Variants in CAMSAP1 observed in about 807,000 individuals in gnomAD.
CAMSAP1 encodes the protein calmodulin-regulated spectrin-associated protein 1.
A neutral mutation model predicts 143.5 loss-of-function variants in CAMSAP1; 58 were observed. The observed-to-expected ratio is 0.40, with a 90% CI of 0.33 to 0.50. The LOEUF (loss-of-function observed/expected upper bound fraction) is 0.50, where lower values mean the gene tolerates loss of function less well. Among genes scored for constraint, CAMSAP1 ranks in the 20% least tolerant of loss-of-function variants. The pLI is 0.45. For synonymous variants in CAMSAP1, 945 were observed against 859.3 expected (o/e 1.10, Z -1.74); for missense variants, 1,969 against 2,115.7 (o/e 0.93, Z 1.36).
intron 1 of CAMSAP1, among the ~76,000 whole-genome samples, chr9:135,883,431 T>C (rs1838022495): frequency 6.6e-6 from 1 of 151,952 alleles, no homozygotes; most frequent in South Asian, 2.1e-4. Flanking sequence ...ATGGGAGCCC[T>C]GAGTGTGTTA....
At chr9:135,878,455 C>T (rs1450497784) in intron 3 of CAMSAP1, among the ~76,000 whole-genome samples, 1 of 152,234 alleles carries the variant, frequency 6.6e-6, no homozygotes, top group African/African-American at 2.4e-5. Flanking sequence ...GCACAGCAGG[C>T]ATCTTGGAAA....
In CAMSAP1 at chr9:135,822,702, A is replaced by T; in HGVS notation, c.1959T>A (p.Ile653=). The T allele has an allele frequency of 6.2e-7, 1 of 1,610,430 alleles. No homozygotes were observed. The highest frequency in any genetic ancestry group is 8.5e-7 in the Non-Finnish European group (1 of 1,178,050). Residue 653 remains isoleucine (I), a synonymous_variant, in exon 11 of 17, where the codon ATT becomes ATA. Coordinates refer to ENST00000389532, the MANE Select transcript of CAMSAP1 (RefSeq NM_015447.4). The surrounding 1 kb of genome is among the most constrained non-coding windows in gnomAD (Gnocchi z 6.1). ...TGCCCATGGGGAATTCTGAGCATGG[A>T]ATCGGGGTAAAAGTCCTATTCAAGT... The part of the protein sequence containing the change: ...SRDLNRTFTP[I]PCSEFPMGID...
At chr9:135,890,669 G>A (rs1298093541) in intron 1 of CAMSAP1, among the ~76,000 whole-genome samples, 3 of 152,128 alleles carry the variant, frequency 2.0e-5, no homozygotes, top group Non-Finnish European at 4.4e-5. Context: ...CCTCCACCAG[G>A]GCCTCGCGTG....
At chr9:135,832,616 C>G (rs1228685609) in intron 7 of CAMSAP1, among the ~76,000 whole-genome samples, 1 of 152,114 alleles carries the variant, frequency 6.6e-6, no homozygotes, top group Admixed American at 6.5e-5. Flanking sequence ...ACTGCAGATC[C>G]AAGGTCCTAC....
At chr9:135,870,058 T>C (rs1452397760) in intron 3 of CAMSAP1, among the ~76,000 whole-genome samples, 2 of 152,196 alleles carry the variant, frequency 1.3e-5, no homozygotes, top group Admixed American at 1.3e-4. Context: ...GTTCAGAGTT[T>C]TTTTGGAATG....
intron 7 of CAMSAP1, chr9:135,836,317 C>A: frequency 1.1e-5 from 11 of 984,602 alleles, no homozygotes; most frequent in Non-Finnish European, 1.3e-5. Context: ...TACAGACACA[C>A]GTCACCACGC....
intron 1 of CAMSAP1, among the ~76,000 whole-genome samples, chr9:135,889,430 T>C (rs1838224118): frequency 6.6e-6 from 1 of 152,202 alleles, no homozygotes; most frequent in Admixed American, 6.5e-5. Flanking sequence ...GTTGGGACTG[T>C]CTGACAAGGA....
chr9:135,885,312 C>T (rs1838088038), intron 1 of CAMSAP1, among the ~76,000 whole-genome samples: 1 of 152,210 alleles, frequency 6.6e-6, no homozygotes, highest in Non-Finnish European at 1.5e-5. Flanking sequence ...GCCTATCTGA[C>T]ATCTCCATGT....
chr9:135,865,139 A>G, intron 4 of CAMSAP1: 1 of 580,136 alleles, frequency 1.7e-6, no homozygotes, highest in South Asian at 2.2e-5. Flanking sequence ...TAAGAGTTCC[A>G]AAGTGCCATA....
intron 1 of CAMSAP1, among the ~76,000 whole-genome samples, chr9:135,883,899 A>G (rs1273201336): frequency 6.6e-6 from 1 of 152,194 alleles, no homozygotes; most frequent in Non-Finnish European, 1.5e-5. Context: ...TCCGGCTGCA[A>G]CATACGCCGC....
chr9:135,906,920 G>A (rs924623864), intron 1 of CAMSAP1, 80 bp downstream of exon 1: 1 of 819,460 alleles, frequency 1.2e-6, no homozygotes, highest in Non-Finnish European at 1.5e-6. Context: ...CGCGGACCCC[G>A]ACCCGGCCGG....
rs1373547798 is a variant in CAMSAP1, at chr9:135,866,881, C to G, written c.586-345G>C. On this transcript the variant is annotated intron_variant, in intron 3 of 16. Transcript: ENST00000389532. ...CTTCTCCAACACCAACAGCAAATGCCACTTACAAAACAATCTGGTGGAGAC... is the reference window on the plus strand; with the variant it reads ...CTTCTCCAACACCAACAGCAAATGCGACTTACAAAACAATCTGGTGGAGAC... Among the ~76,000 whole-genome samples, 3 of 152,268 alleles carry G rather than the reference C, an allele frequency of 2.0e-5. No individual in the cohort carries two copies. In the East Asian group the frequency reaches 5.8e-4, roughly 29 times the overall value.
intron 1 of CAMSAP1, among the ~76,000 whole-genome samples, chr9:135,899,407 T>C (rs1485285608): frequency 6.7e-6 from 1 of 148,742 alleles, no homozygotes; most frequent in Non-Finnish European, 1.5e-5. Flanking sequence ...CTGACAGAAC[T>C]TGTCTCTATT....
intron 1 of CAMSAP1, among the ~76,000 whole-genome samples, chr9:135,888,713 G>C (rs1216499699): frequency 6.6e-6 from 1 of 152,030 alleles, no homozygotes; most frequent in East Asian, 1.9e-4. Flanking sequence ...TTCCTGTTTG[G>C]ATATAAGGAG....
chr9:135,878,321 G>T (rs1361087233), intron 3 of CAMSAP1, among the ~76,000 whole-genome samples: 6 of 152,170 alleles, frequency 3.9e-5, no homozygotes, highest in Non-Finnish European at 8.8e-5. Context: ...CCACAGAGGA[G>T]GAGAGACTCA....
intron 7 of CAMSAP1, among the ~76,000 whole-genome samples, chr9:135,839,591 A>C (rs1288766949): frequency 2.6e-5 from 4 of 152,182 alleles, no homozygotes; most frequent in Non-Finnish European, 5.9e-5. Context: ...ACAGCCCCTG[A>C]TGTGCACAGG....
intron 1 of CAMSAP1, among the ~76,000 whole-genome samples, chr9:135,904,890 A>C (rs1366040181): frequency 6.6e-6 from 1 of 151,730 alleles, no homozygotes; most frequent in South Asian, 2.1e-4. Context: ...GCTTGAACCC[A>C]GGAGGTGGCG....
intron 3 of CAMSAP1, among the ~76,000 whole-genome samples, chr9:135,868,693 C>A (rs1359501584): frequency 2.1e-5 from 3 of 144,202 alleles, no homozygotes; most frequent in Non-Finnish European, 4.5e-5. Context: ...TCTCGGCTCA[C>A]TGCAAGCTCC....
At chr9:135,899,731 A>G (rs1838561453) in intron 1 of CAMSAP1, among the ~76,000 whole-genome samples, 1 of 151,654 alleles carries the variant, frequency 6.6e-6, no homozygotes, top group African/African-American at 2.4e-5. Context: ...ACTCCCCTCC[A>G]CTTCCCCCTA....
Sources: gnomAD v4.1 joint callset for allele counts (sites outside exome capture counted in the v4.1 genomes callset) on GRCh38, gnomAD v4.1.1 for gene constraint, Gnocchi (gnomAD v3.1) non-coding constraint, MANE v1.5 for transcripts, NCBI Gene and HGNC (gene_info 2026-07-23, HGNC 2026-07-21) for gene names.